The following KCNH5 variants were observed in gnomAD, a reference collection of about 807,000 sequenced individuals.
The protein encoded by KCNH5 is voltage-gated delayed rectifier potassium channel KCNH5.
A neutral mutation model predicts 96.1 loss-of-function variants in KCNH5; 46 were observed. That is an observed-to-expected ratio of 0.48 (90% confidence interval 0.38 to 0.61). The LOEUF is 0.61. Among genes scored for constraint, KCNH5 ranks in the 20% least tolerant of loss-of-function variants. The pLI is 0.00. For synonymous variants in KCNH5, 439 were observed against 449.8 expected (o/e 0.98, Z 0.30); for missense variants, 907 against 1,225.8 (o/e 0.74, Z 3.88).
At chr14:62,711,535 G>A (rs1002903307) in intron 10 of KCNH5, among the ~76,000 whole-genome samples, 11 of 152,072 alleles carry the variant, frequency 7.2e-5, no homozygotes, top group Non-Finnish European at 1.0e-4. Context: ...TTTAAACATA[G>A]CTCCCTTGAG....
rs1412835663 is a variant in KCNH5, at chr14:62,701,116, TC to T, written c.*6391del. ...GAGAGAGTGATCAGATCTTTTTGTT[TC>T]CTCCCATCAAAATGCAGCCCAACCA... On this transcript the variant is annotated 3_prime_UTR_variant, in exon 11 of 11. Coordinates refer to ENST00000322893, the MANE Select transcript of KCNH5 (RefSeq NM_139318.5). The T allele has an allele frequency of 2.0e-5, 3 of 152,202 alleles. No homozygotes were observed. The highest frequency in any genetic ancestry group is 4.4e-5 in the Non-Finnish European group (3 of 67,986). The allele number at this position is 152,202 out of a possible 1,614,324, so 9.4% of individuals were successfully genotyped here.
At chr14:62,710,672 T>C (rs1884547771) in intron 10 of KCNH5, among the ~76,000 whole-genome samples, 1 of 152,136 alleles carries the variant, frequency 6.6e-6, no homozygotes, top group Admixed American at 6.5e-5. Context: ...AGGATAGACA[T>C]AGTGTTGGCT....
intron 2 of KCNH5, among the ~76,000 whole-genome samples, chr14:63,012,576 G>A (rs1421336672): frequency 6.6e-6 from 1 of 151,996 alleles, no homozygotes; most frequent in South Asian, 2.1e-4. Flanking sequence ...GACAGAAAAC[G>A]TCTCACACAG....
At chr14:62,758,079 A>G (rs1409612676) in intron 10 of KCNH5, among the ~76,000 whole-genome samples, 2 of 150,874 alleles carry the variant, frequency 1.3e-5, no homozygotes, top group Admixed American at 6.6e-5. Context: ...TGGGAGACAG[A>G]GGTTGCAGTA....
intron 8 of KCNH5, among the ~76,000 whole-genome samples, chr14:62,821,441 G>A (rs1421379486): frequency 6.6e-6 from 1 of 151,920 alleles, no homozygotes; most frequent in African/African-American, 2.4e-5. Flanking sequence ...TAAACACAGG[G>A]GAAATATATT....
intron 7 of KCNH5, among the ~76,000 whole-genome samples, chr14:62,898,115 A>G (rs192022636): frequency 2.0e-4 from 31 of 152,326 alleles, no homozygotes. Context: ...GGTCTTAAGT[A>G]TCTTAGAATA....
At chr14:62,752,609 C>A (rs1885525760) in intron 10 of KCNH5, among the ~76,000 whole-genome samples, 1 of 152,176 alleles carries the variant, frequency 6.6e-6, no homozygotes, top group South Asian at 2.1e-4. Flanking sequence ...TCCAAGAAAA[C>A]AAGACTAATA....
At chr14:62,994,069 G>A (rs1291374870) in intron 4 of KCNH5, among the ~76,000 whole-genome samples, 1 of 151,980 alleles carries the variant, frequency 6.6e-6, no homozygotes, top group Non-Finnish European at 1.5e-5. Flanking sequence ...AAGTCACAGA[G>A]GCAGTTAAAT....
At chr14:62,834,356 A>C (rs1887422844) in intron 8 of KCNH5, among the ~76,000 whole-genome samples, 1 of 152,006 alleles carries the variant, frequency 6.6e-6, no homozygotes, top group Admixed American at 6.6e-5. Flanking sequence ...GATATAATAA[A>C]TATTTATTGA....
At chr14:62,897,958 G>C (rs1000015333) in intron 7 of KCNH5, among the ~76,000 whole-genome samples, 1 of 152,100 alleles carries the variant, frequency 6.6e-6, no homozygotes, top group Non-Finnish European at 1.5e-5. Context: ...TTTTAATTTG[G>C]ATGTGAAAAT....
At chr14:62,941,757 T>C (rs1461662241) in intron 7 of KCNH5, among the ~76,000 whole-genome samples, 1 of 152,162 alleles carries the variant, frequency 6.6e-6, no homozygotes, top group Non-Finnish European at 1.5e-5. Context: ...ATATTATACC[T>C]GAAATACCTG....
chr14:62,936,674 CAAAAAAAAA>C (rs3080873), intron 7 of KCNH5, among the ~76,000 whole-genome samples: 17 of 119,746 alleles, frequency 1.4e-4, no homozygotes, highest in Admixed American at 1.9e-4. Context: ...GACCCTGCCT[CAAAAAAAAA>C]AAAAAAAAAA....
chr14:62,864,022 A>G lies in KCNH5; in HGVS notation c.1370-14170T>C, dbSNP rs542658221. 1.6e-4 allele frequency among the ~76,000 whole-genome samples: 24 copies of G among 152,164 alleles called. 1 individual carries two copies. The South Asian group carries it at 4.6e-3, about 29-fold the overall frequency. ...CATAGGTTACCATAATGCTTTCCTA[A>G]TTGTTCTCCTTACTTCTATTCTCTG... On this transcript the variant is annotated intron_variant, in intron 7 of 10. Coordinates refer to ENST00000322893, the MANE Select transcript of KCNH5 (RefSeq NM_139318.5).
At chr14:62,991,023 G>A (rs1890799427) in intron 4 of KCNH5, among the ~76,000 whole-genome samples, 1 of 151,946 alleles carries the variant, frequency 6.6e-6, no homozygotes, top group Non-Finnish European at 1.5e-5. Flanking sequence ...CCCCCAATGT[G>A]GGGATTACAA....
At chr14:62,928,562 T>C (rs750740584) in intron 7 of KCNH5, among the ~76,000 whole-genome samples, 5 of 152,080 alleles carry the variant, frequency 3.3e-5, no homozygotes, top group African/African-American at 4.8e-5. Flanking sequence ...ATTTTACCGA[T>C]GCGGTAACTG....
At chr14:62,944,990 T>C (rs910636756) in intron 7 of KCNH5, among the ~76,000 whole-genome samples, 1 of 152,270 alleles carries the variant, frequency 6.6e-6, no homozygotes, top group East Asian at 1.9e-4. Context: ...AACTAGGTTT[T>C]TATCTCTAAA....
rs529781131 is a variant in KCNH5, at chr14:62,838,239, A to G, written c.1569+11414T>C. 2.0e-5 allele frequency among the ~76,000 whole-genome samples: 3 copies of G among 152,278 alleles called. No individual in the cohort carries two copies. The South Asian group carries it at 6.2e-4, about 32-fold the overall frequency. On this transcript the variant is annotated intron_variant, in intron 8 of 10. Coordinates refer to ENST00000322893, the MANE Select transcript of KCNH5 (RefSeq NM_139318.5). Reference sequence around the variant, plus strand: ...GCCGGAATACAGGAACTAGCCTAGAAGACATGTTAACTAGAACAGGAGACT... The same window carrying G: ...GCCGGAATACAGGAACTAGCCTAGAGGACATGTTAACTAGAACAGGAGACT...
At chr14:62,747,871 G>C (rs2139941568) in intron 10 of KCNH5, among the ~76,000 whole-genome samples, 1 of 152,282 alleles carries the variant, frequency 6.6e-6, no homozygotes, top group African/African-American at 2.4e-5. Flanking sequence ...ATTAGATACT[G>C]TTTTGTGTTA....
chr14:62,938,133 A>C lies in KCNH5; in HGVS notation c.1369+12000T>G, dbSNP rs151154598. 1.2e-3 allele frequency among the ~76,000 whole-genome samples: 182 copies of C among 152,332 alleles called. No individual in the cohort carries two copies. In the Middle Eastern group the frequency reaches 0.014, roughly 11 times the overall value. On this transcript the variant is annotated intron_variant, in intron 7 of 10. Coordinates refer to ENST00000322893, the MANE Select transcript of KCNH5 (RefSeq NM_139318.5). Reference sequence around the variant, plus strand: ...TTTAAATGAGTAATGGTCCCAAATTAGACCTTCACAGCTTAAGATCTGGTG... The same window carrying C: ...TTTAAATGAGTAATGGTCCCAAATTCGACCTTCACAGCTTAAGATCTGGTG...
Sources: allele counts gnomAD v4.1 joint callset (sites outside exome capture counted in the v4.1 genomes callset), GRCh38; gene constraint gnomAD v4.1.1; transcripts MANE v1.5; gene names NCBI Gene and HGNC (gene_info 2026-07-23, HGNC 2026-07-21).